MACROD2: variants seen among roughly 807,000 people sequenced by gnomAD.
MACROD2 encodes ADP-ribose glycohydrolase MACROD2.
Under a neutral mutation model 70.4 loss-of-function variants are expected in MACROD2, and 36 were observed. The ratio of observed to expected loss-of-function variants is 0.51; its 90% CI spans 0.39 to 0.68. The LOEUF (loss-of-function observed/expected upper bound fraction) is 0.68. Among genes scored for constraint, MACROD2 ranks in the 30% least tolerant of loss-of-function variants. MACROD2 has a pLI of 0.00. For missense variants in MACROD2, 496 were observed against 538.4 expected (o/e 0.92, Z 0.78); for synonymous variants, 172 against 178.8 (o/e 0.96, Z 0.30).
intron 15 of MACROD2, among the ~76,000 whole-genome samples, chr20:16,007,775 C>T (rs1295979221): frequency 6.6e-6 from 1 of 152,144 alleles, no homozygotes; most frequent in East Asian, 1.9e-4. Flanking sequence ...TCCTTTCCAC[C>T]CTACCCTTTT....
chr20:15,329,099 A>T (rs1490319239), intron 6 of MACROD2, among the ~76,000 whole-genome samples: 2 of 152,152 alleles, frequency 1.3e-5, no homozygotes, highest in Admixed American at 6.6e-5. Flanking sequence ...TCTAAAAGGA[A>T]ATGCAGCAGA....
rs1248529505 is a variant in MACROD2, at chr20:15,772,097, AAAAAATATATAT to A, written c.646-90646_646-90635del. Among the ~76,000 whole-genome samples the A allele has an allele frequency of 1.9e-3, 173 of 93,430 alleles. 1 individual carries two copies. The highest frequency in any genetic ancestry group is 7.8e-3 in the African/African-American group (154 of 19,856). 61.3% of individuals were successfully genotyped at this position (93,430 alleles called of 152,430 possible). A position where few individuals can be genotyped will look rare whatever the true frequency, so the allele number is the denominator to read the frequency against. On this transcript the variant is annotated intron_variant, in intron 8 of 17. Coordinates refer to ENST00000684519, the MANE Select transcript of MACROD2 (RefSeq NM_001351661.2). ...GAGACTCGGTCTCAAAAAAAAAAAA[AAAAAATATATAT>A]ATATATATATATATATATATTTCTT...
intron 5 of MACROD2, among the ~76,000 whole-genome samples, chr20:15,164,042 A>G (rs1430560069): frequency 5.9e-5 from 9 of 152,122 alleles, no homozygotes; most frequent in Admixed American, 5.9e-4. Context: ...GATGGCAATC[A>G]ATGTTAAGAA....
At position 15,322,251 on chromosome 20, in the gene MACROD2, C is replaced by T. The variant is rs377359200; in HGVS notation, c.540+92190C>T. Among the ~76,000 whole-genome samples, 5 of 143,666 alleles carry T rather than the reference C, an allele frequency of 3.5e-5. 2 individuals carry two copies. The East Asian group carries it at 1.0e-3, about 29-fold the overall frequency. The allele number at this position is 143,666 out of a possible 152,430, so 94.3% of individuals were successfully genotyped here. On this transcript the variant is annotated intron_variant, in intron 6 of 17. Coordinates refer to ENST00000684519, the MANE Select transcript of MACROD2 (RefSeq NM_001351661.2). The stretch of plus-strand genomic sequence containing the variant: ...GTGGATTCAACTCAATGAAAGATGG[C>T]AAATGAGTTTAATTTTATATACCAA...
chr20:15,874,250 C>CT (rs751258380), intron 9 of MACROD2, among the ~76,000 whole-genome samples: 5,460 of 151,910 alleles, frequency 0.036, 253 homozygotes, highest in East Asian at 0.12. Flanking sequence ...TGAACTCATC[C>CT]TTTTTTTGGC....
intron 5 of MACROD2, among the ~76,000 whole-genome samples, chr20:15,053,527 A>G (rs973095374): frequency 2.0e-5 from 3 of 152,192 alleles, no homozygotes; most frequent in Admixed American, 1.3e-4. Context: ...AGCATGGTTA[A>G]CTGAATATTT....
intron 2 of MACROD2, among the ~76,000 whole-genome samples, chr20:14,068,376 C>T (rs6079281): frequency 0.2 from 30,284 of 151,666 alleles, 3,929 homozygotes; most frequent in Non-Finnish European, 0.29. Context: ...CTCACCTGAG[C>T]AGGAGGGCAT....
intron 6 of MACROD2, among the ~76,000 whole-genome samples, chr20:15,347,229 A>G (rs2078176713): frequency 6.6e-6 from 1 of 152,228 alleles, no homozygotes; most frequent in South Asian, 2.1e-4. Context: ...TTATTGTCCA[A>G]GATCTTTAAT....
intron 7 of MACROD2, among the ~76,000 whole-genome samples, chr20:15,481,710 A>T (rs934097831): frequency 6.6e-6 from 1 of 152,214 alleles, no homozygotes; most frequent in Non-Finnish European, 1.5e-5. Flanking sequence ...AATATTTACA[A>T]GACAGCATAC....
chr20:15,912,885 A>AG (rs2065257266), intron 10 of MACROD2, among the ~76,000 whole-genome samples: 1 of 152,196 alleles, frequency 6.6e-6, no homozygotes, highest in Non-Finnish European at 1.5e-5. Context: ...TCATAGAGTA[A>AG]GTTAGGAAAG....
intron 8 of MACROD2, among the ~76,000 whole-genome samples, chr20:15,788,720 G>C (rs1290454019): frequency 6.6e-6 from 1 of 152,126 alleles, no homozygotes; most frequent in Admixed American, 6.5e-5. Flanking sequence ...ATTTTAATAG[G>C]TATGCAGTCA....
intron 15 of MACROD2, among the ~76,000 whole-genome samples, chr20:15,992,541 A>C (rs1050776932): frequency 2.0e-5 from 3 of 152,148 alleles, no homozygotes; most frequent in Non-Finnish European, 4.4e-5. Context: ...GTGTAGGTTT[A>C]AGTGAATGTT....
intron 7 of MACROD2, among the ~76,000 whole-genome samples, chr20:15,476,026 T>C (rs1403855970): frequency 6.6e-6 from 1 of 152,218 alleles, no homozygotes; most frequent in Non-Finnish European, 1.5e-5. Flanking sequence ...TATTCTTCCA[T>C]TAAATTTATG....
At chr20:15,947,280 A>G (rs2065838114) in intron 12 of MACROD2, among the ~76,000 whole-genome samples, 1 of 152,112 alleles carries the variant, frequency 6.6e-6, no homozygotes, top group Admixed American at 6.6e-5. Context: ...GGTCTTTCCC[A>G]TCCCACAAGG....
chr20:14,004,175 G>T (rs1005660740), intron 2 of MACROD2, among the ~76,000 whole-genome samples: 3 of 152,172 alleles, frequency 2.0e-5, no homozygotes, highest in African/African-American at 4.8e-5. Context: ...TCAGATTTTG[G>T]AGCATTTGGG....
intron 3 of MACROD2, among the ~76,000 whole-genome samples, chr20:14,106,820 C>G (rs1392781624): frequency 1.3e-5 from 2 of 152,126 alleles, no homozygotes; most frequent in Non-Finnish European, 2.9e-5. Context: ...AGATCTTGTC[C>G]AAGACCACCA....
intron 2 of MACROD2, among the ~76,000 whole-genome samples, chr20:14,058,416 A>G (rs1024090215): frequency 1.4e-5 from 2 of 147,880 alleles, no homozygotes; most frequent in African/African-American, 2.5e-5. Context: ...TGTCCTCTGT[A>G]TGGCAGGGTA....
At chr20:15,433,459 CAAAAA>C (rs60298297) in intron 7 of MACROD2, among the ~76,000 whole-genome samples, 15,140 of 88,250 alleles carry the variant, frequency 0.17, 1,037 homozygotes, top group South Asian at 0.37. Context: ...ACAAGAGCTG[CAAAAA>C]AAAAAAAAAA....
chr20:15,742,807 C>T (rs1324683351), intron 8 of MACROD2, among the ~76,000 whole-genome samples: 2 of 152,196 alleles, frequency 1.3e-5, no homozygotes, highest in Non-Finnish European at 2.9e-5. Context: ...ATCATACATT[C>T]ATTTCAATGA....
Sources: gnomAD v4.1 joint callset for allele counts (sites outside exome capture counted in the v4.1 genomes callset) on GRCh38, gnomAD v4.1.1 for gene constraint, MANE v1.5 for transcripts, NCBI Gene and HGNC (gene_info 2026-07-23, HGNC 2026-07-21) for gene names.